TERF1: variants seen among roughly 807,000 people sequenced by gnomAD.
The protein encoded by TERF1 is telomeric repeat-binding factor 1.
Under a neutral mutation model 55.1 loss-of-function variants are expected in TERF1, and 20 were observed. That is an observed-to-expected ratio of 0.36 (90% confidence interval 0.26 to 0.53). The LOEUF is 0.53. Among genes scored for constraint, TERF1 ranks in the 20% least tolerant of loss-of-function variants. The probability of loss-of-function intolerance (pLI) is 0.91; values close to 1 mark genes in which losing one functional copy is unlikely to be tolerated. For synonymous variants in TERF1, 168 were observed against 181.2 expected (o/e 0.93, Z 0.59); for missense variants, 439 against 535.7 (o/e 0.82, Z 1.78).
chr8:73,025,481 G>A (rs925100219), intron 5 of TERF1, among the ~76,000 whole-genome samples: 4 of 151,792 alleles, frequency 2.6e-5, no homozygotes, highest in African/African-American at 4.8e-5. Context: ...GGCCGGGCGC[G>A]GTGGCTCACG....
chr8:73,036,336 A>G (rs1325655286), intron 8 of TERF1, among the ~76,000 whole-genome samples: 2 of 152,188 alleles, frequency 1.3e-5, no homozygotes, highest in African/African-American at 4.8e-5. Flanking sequence ...TCTACATTCA[A>G]CAGGAATTGC....
intron 3 of TERF1, 54 bp downstream of exon 3, chr8:73,020,859 A>G: frequency 9.4e-7 from 1 of 1,063,404 alleles, no homozygotes; most frequent in East Asian, 2.6e-5. Context: ...AACATTTAAA[A>G]GAAATTAAGA....
intron 4 of TERF1, among the ~76,000 whole-genome samples, chr8:73,022,897 G>A (rs554259373): frequency 1.3e-5 from 2 of 152,168 alleles, no homozygotes; most frequent in East Asian, 1.9e-4. Context: ...CTGCCACTGC[G>A]CTCCAGCCTA....
chr8:73,039,012 TAGAATAG>T, intron 8 of TERF1, 97 bp from the exon 9 acceptor site: 1 of 892,410 alleles, frequency 1.1e-6, no homozygotes, highest in Non-Finnish European at 1.6e-6. Flanking sequence ...TACTTTTTCT[TAGAATAG>T]CTTAGAAAAG....
chr8:73,037,177 A>G (rs1383319481), intron 8 of TERF1, among the ~76,000 whole-genome samples: 1 of 77,552 alleles, frequency 1.3e-5, no homozygotes, highest in Non-Finnish European at 3.2e-5. Flanking sequence ...ATTATAATAT[A>G]TAATATAATA....
intron 5 of TERF1, among the ~76,000 whole-genome samples, chr8:73,026,053 C>T (rs2129802721): frequency 6.8e-6 from 1 of 147,438 alleles, no homozygotes; most frequent in East Asian, 2.0e-4. Context: ...AAAAATTTAG[C>T]CAGACATAGT....
Position 73,008,957 on chromosome 8 carries a change from C to T in TERF1, c.71C>T (p.Thr24Ile). Residue 24 changes from threonine (T) to isoleucine (I), a missense_variant, in exon 1 of 10, where the codon ACT becomes ATT. Coordinates refer to ENST00000276603, the MANE Select transcript of TERF1 (RefSeq NM_017489.3). Reference protein sequence around the residue: ...GCADGRDADPTEEQMAETERN... With the variant: ...GCADGRDADPIEEQMAETERN... Reference sequence around the variant, plus strand: ...GCGGATGGTAGGGATGCCGACCCTACTGAGGAGCAGATGGCAGAAACAGAG... The same window carrying T: ...GCGGATGGTAGGGATGCCGACCCTATTGAGGAGCAGATGGCAGAAACAGAG... The T allele has an allele frequency of 1.2e-6, 2 of 1,613,018 alleles. No homozygotes were observed. Among genetic ancestry groups the T allele is most frequent in the Non-Finnish European group, 1.7e-6 (2 of 1,179,718 alleles).
At chr8:73,009,609 A>G (rs949170684) in intron 1 of TERF1, 1 of 168,882 alleles carries the variant, frequency 5.9e-6, no homozygotes, top group Non-Finnish European at 1.3e-5. Context: ...TTTGTGAGCT[A>G]TTAAATCTCA....
chr8:73,033,429 T>C (rs1024518838), intron 8 of TERF1, among the ~76,000 whole-genome samples: 1 of 152,114 alleles, frequency 6.6e-6, no homozygotes, highest in Non-Finnish European at 1.5e-5. Context: ...AGTATGAAAT[T>C]CAAAGAAAAG....
chr8:73,027,491 T>C (rs1016544470), intron 6 of TERF1, among the ~76,000 whole-genome samples: 2 of 152,234 alleles, frequency 1.3e-5, no homozygotes, highest in African/African-American at 4.8e-5. Flanking sequence ...TGATTTGCTT[T>C]AATACTGGAG....
intron 3 of TERF1, 29 bp from the exon 4 acceptor site, chr8:73,022,187 G>A: frequency 1.4e-6 from 2 of 1,430,580 alleles, no homozygotes; most frequent in South Asian, 2.6e-5. Context: ...TATAAACGCA[G>A]TCTAAGGTTG....
chr8:73,039,350 T>C (rs1212997873), intron 9 of TERF1, 131 bp downstream of exon 9: 2 of 616,858 alleles, frequency 3.2e-6, no homozygotes, highest in Admixed American at 6.9e-5. Context: ...ATCTTTTATT[T>C]TGCCGTCTTA....
intron 8 of TERF1, among the ~76,000 whole-genome samples, chr8:73,035,356 C>A (rs1172522178): frequency 6.6e-6 from 1 of 151,632 alleles, no homozygotes; most frequent in Non-Finnish European, 1.5e-5. Context: ...TGTTTAATTT[C>A]CAAATATCTT....
At chr8:73,033,422 A>G (rs1809375364) in intron 8 of TERF1, among the ~76,000 whole-genome samples, 1 of 152,124 alleles carries the variant, frequency 6.6e-6, no homozygotes, top group African/African-American at 2.4e-5. Flanking sequence ...ATTTCATAGT[A>G]TGAAATTCAA....
chr8:73,025,534 C>G (rs1009742843), intron 5 of TERF1, among the ~76,000 whole-genome samples: 2 of 151,918 alleles, frequency 1.3e-5, no homozygotes. Context: ...AGGTGAATCA[C>G]ACGGTCAGGC....
At chr8:73,026,637 A>AT (rs34434440) in intron 5 of TERF1, among the ~76,000 whole-genome samples, 52 of 148,240 alleles carry the variant, frequency 3.5e-4, no homozygotes, top group Admixed American at 1.8e-3. Flanking sequence ...TAGAATTTTT[A>AT]TTTTTTTTTT....
intron 9 of TERF1, among the ~76,000 whole-genome samples, chr8:73,040,043 T>C (rs1438213378): frequency 6.9e-6 from 1 of 144,332 alleles, no homozygotes; most frequent in Non-Finnish European, 1.5e-5. Flanking sequence ...AAATAGTTCA[T>C]ACTGAGGTGC....
At chr8:73,039,816 T>TGTGTGTGTGTGTGTG (rs1809759071) in intron 9 of TERF1, among the ~76,000 whole-genome samples, 3 of 146,876 alleles carry the variant, frequency 2.0e-5, no homozygotes, top group African/African-American at 7.6e-5. Flanking sequence ...TGTGTGTGTG[T>TGTGTGTGTGTGTGTG]TTCCCCCTTT....
chr8:73,008,941 A>G lies in TERF1; in HGVS notation c.55A>G (p.Arg19Gly), dbSNP rs769878289. 1.8e-5 allele frequency: 29 copies of G among 1,612,654 alleles called. No homozygotes were observed. The highest frequency in any genetic ancestry group is 1.2e-4 in the South Asian group (11 of 90,790). The change falls in exon 1 of 10, where the codon AGG becomes GGG. Residue 19 changes from arginine to glycine, a missense_variant. Transcript: ENST00000276603. Reference protein sequence around the residue: ...APSPRGCADGRDADPTEEQMA... With the variant: ...APSPRGCADGGDADPTEEQMA... ...GAGCCCGCGGGGCTGTGCGGATGGT[A>G]GGGATGCCGACCCTACTGAGGAGCA...
Sources: allele counts gnomAD v4.1 joint callset (sites outside exome capture counted in the v4.1 genomes callset), GRCh38; gene constraint gnomAD v4.1.1; transcripts MANE v1.5; gene names NCBI Gene and HGNC (gene_info 2026-07-23, HGNC 2026-07-21).